ANK2: variants seen among roughly 807,000 people sequenced by gnomAD.
ANK2 encodes ankyrin-2.
ANK2 carries 83 observed loss-of-function variants against 360.5 expected under a neutral mutation model. The ratio of observed to expected loss-of-function variants is 0.23; its 90% confidence interval spans 0.19 to 0.28. The LOEUF (loss-of-function observed/expected upper bound fraction) is 0.28, where lower values mean the gene tolerates loss of function less well. ANK2 is among the 10% of genes least tolerant of loss of function. The probability of loss-of-function intolerance (pLI) is 1.00; values close to 1 mark genes in which losing one functional copy is unlikely to be tolerated. For missense variants in ANK2, 4,201 were observed against 4,795.7 expected (o/e 0.88, Z 3.66); for synonymous variants, 1,740 against 1,759.5 (o/e 0.99, Z 0.28).
chr4:113,091,928 G>C (rs976557944), intron 1 of ANK2, among the ~76,000 whole-genome samples: 3 of 152,156 alleles, frequency 2.0e-5, no homozygotes, highest in Non-Finnish European at 4.4e-5. Context: ...GAATGTGCAG[G>C]AGTCCAATGT....
chr4:112,850,730 A>T (rs1302652141), intron 1 of ANK2, among the ~76,000 whole-genome samples: 1 of 150,718 alleles, frequency 6.6e-6, no homozygotes, highest in Non-Finnish European at 1.5e-5. Context: ...GTTAGCCAGG[A>T]TGATCTCGAT....
chr4:112,842,707 T>A (rs1478376439), intron 1 of ANK2, among the ~76,000 whole-genome samples: 1 of 152,208 alleles, frequency 6.6e-6, no homozygotes, highest in Non-Finnish European at 1.5e-5. Flanking sequence ...CACTGGCCGC[T>A]CAGCTCCTGC....
chr4:113,099,895 G>C (rs186182946), intron 1 of ANK2, among the ~76,000 whole-genome samples: 15 of 152,088 alleles, frequency 9.9e-5, no homozygotes, highest in African/African-American at 3.6e-4. Flanking sequence ...TCAACAAATG[G>C]TGCTGGAATA....
intron 1 of ANK2, chr4:112,827,175 T>C: frequency 8.7e-7 from 1 of 1,150,530 alleles, no homozygotes; most frequent in Non-Finnish European, 1.3e-6. Flanking sequence ...ACATCCTGTG[T>C]AGTGATACCA....
chr4:113,068,319 A>C (rs1444357440), intron 1 of ANK2, among the ~76,000 whole-genome samples: 1 of 152,234 alleles, frequency 6.6e-6, no homozygotes, highest in African/African-American at 2.4e-5. Context: ...AATTATGAAG[A>C]TAGTGACTTT....
chr4:113,034,857 C>T (rs2061239617), intron 2 of ANK2: 1 of 151,886 alleles, frequency 6.6e-6, no homozygotes, highest in African/African-American at 2.4e-5. Flanking sequence ...TAATTATTTT[C>T]CATTAGATGT....
chr4:113,375,513 C>T (rs1009474123), intron 45 of ANK2, among the ~76,000 whole-genome samples: 80 of 151,956 alleles, frequency 5.3e-4, no homozygotes, highest in African/African-American at 1.8e-3. Context: ...ATCACAAGGT[C>T]AGGAGATCGA....
At chr4:112,887,802 A>G (rs577402934) in intron 1 of ANK2, among the ~76,000 whole-genome samples, 1 of 152,158 alleles carries the variant, frequency 6.6e-6, no homozygotes, top group African/African-American at 2.4e-5. Flanking sequence ...ATTTGTGTCT[A>G]TCTTCACTAG....
Position 113,282,679 on chromosome 4 carries a change from G to T in ANK2, c.1886G>T (p.Gly629Val). Residue 629 changes from glycine to valine, a missense_variant, in exon 18 of 46, where the codon GGC (glycine) becomes GTC (valine). Coordinates refer to ENST00000357077, the MANE Select transcript of ANK2 (RefSeq NM_001148.6). ...GASPHATAKNGYTPLHIAAKK... is the reference protein window; with the variant it reads ...GASPHATAKNVYTPLHIAAKK... Reference sequence around the variant, plus strand: ...TTTTATTTTTGTTCTTTTTAGAATGGCTATACTCCGTTACATATTGCTGCC... The same window carrying T: ...TTTTATTTTTGTTCTTTTTAGAATGTCTATACTCCGTTACATATTGCTGCC... The T allele has an allele frequency of 1.2e-6, 2 of 1,610,920 alleles. No homozygotes were observed. The highest frequency in any genetic ancestry group is 2.2e-5 in the South Asian group (2 of 90,628).
At chr4:113,205,460 CA>C (rs2098933754) in intron 4 of ANK2, among the ~76,000 whole-genome samples, 1 of 152,006 alleles carries the variant, frequency 6.6e-6, no homozygotes, top group Non-Finnish European at 1.5e-5. Context: ...TTTGATATCT[CA>C]CTGAAAATTT....
intron 1 of ANK2, among the ~76,000 whole-genome samples, chr4:113,091,648 G>A (rs2088230477): frequency 6.6e-6 from 1 of 152,186 alleles, no homozygotes; most frequent in South Asian, 2.1e-4. Context: ...CTTATTATGT[G>A]CCATCCCTTT....
chr4:113,330,494 C>T (rs1334563531), intron 27 of ANK2, 24 bp downstream of exon 27: 1 of 1,609,608 alleles, frequency 6.2e-7, no homozygotes, highest in Admixed American at 1.7e-5. Flanking sequence ...ATAAACCTCC[C>T]ACTTAGTCAT....
chr4:112,949,235 A>C (rs1171373734), intron 2 of ANK2, among the ~76,000 whole-genome samples: 1 of 152,158 alleles, frequency 6.6e-6, no homozygotes, highest in Non-Finnish European at 1.5e-5. Context: ...ACTTGCAAAC[A>C]TCTCCAAAGT....
intron 2 of ANK2, among the ~76,000 whole-genome samples, chr4:112,937,339 T>C (rs2093834050): frequency 6.6e-6 from 1 of 151,930 alleles, no homozygotes; most frequent in African/African-American, 2.4e-5. Context: ...TTTTTTTTTT[T>C]TTTTTGAGAC....
At chr4:112,741,790 G>A in the ANK2 span, among the ~76,000 whole-genome samples, 11 of 152,102 alleles carry the variant, frequency 7.2e-5, no homozygotes, top group East Asian at 1.2e-3. Context: ...AGACCAGCCT[G>A]GGCAACATAG....
intron 1 of ANK2, among the ~76,000 whole-genome samples, chr4:113,140,957 G>A (rs1481462890): frequency 1.3e-5 from 2 of 151,374 alleles, no homozygotes; most frequent in African/African-American, 4.9e-5. Context: ...CAGCCTGGGC[G>A]ACAAGAGTGA....
intron 2 of ANK2, among the ~76,000 whole-genome samples, chr4:112,955,180 T>G (rs1410804976): frequency 5.9e-5 from 9 of 152,166 alleles, no homozygotes; most frequent in South Asian, 4.1e-4. Context: ...TTCAATATGC[T>G]AATAGTTGCT....
chr4:113,262,097 A>G (rs1402292985), intron 13 of ANK2, among the ~76,000 whole-genome samples: 2 of 152,200 alleles, frequency 1.3e-5, no homozygotes, highest in Non-Finnish European at 2.9e-5. Flanking sequence ...GTCATTACAT[A>G]GGAATTCCTG....
At chr4:113,123,387 T>C (rs951917592) in intron 1 of ANK2, among the ~76,000 whole-genome samples, 2 of 152,198 alleles carry the variant, frequency 1.3e-5, no homozygotes, top group Non-Finnish European at 1.5e-5. Flanking sequence ...TTAAGACTTC[T>C]ACTCATGCCA....
Sources: gnomAD v4.1 joint callset for allele counts (sites outside exome capture counted in the v4.1 genomes callset) on GRCh38, gnomAD v4.1.1 for gene constraint, MANE v1.5 for transcripts, NCBI Gene and HGNC (gene_info 2026-07-23, HGNC 2026-07-21) for gene names.